Variants in PPP2R3A observed in about 807,000 individuals in gnomAD.
PPP2R3A encodes protein phosphatase 2 regulatory subunit B''alpha.
In PPP2R3A, 80 loss-of-function variants were observed where a neutral mutation model predicts 106.9. The ratio of observed to expected loss-of-function variants is 0.75; its 90% CI spans 0.62 to 0.90. The LOEUF is 0.90. Among genes scored for constraint, PPP2R3A ranks in the 40% least tolerant of loss-of-function variants. The pLI, the probability that PPP2R3A is intolerant of heterozygous loss-of-function variation, is 0.00. For synonymous variants in PPP2R3A, 483 were observed against 468.3 expected, an observed-to-expected ratio of 1.03 and a Z score of -0.41; for missense variants, 1,386 against 1,350.4, an observed-to-expected ratio of 1.03 and a Z score of -0.41.
At chr3:135,978,827 G>T (rs533735020) in intron 1 of PPP2R3A, among the ~76,000 whole-genome samples, 2 of 151,740 alleles carry the variant, frequency 1.3e-5, no homozygotes, top group South Asian at 4.2e-4. Context: ...ATATACATTT[G>T]GTGCTAAGTC....
Position 136,002,031 on chromosome 3 carries a change from G to A in PPP2R3A, c.533G>A (p.Arg178Gln), listed in dbSNP as rs770984599. The change falls in exon 2 of 14, where the codon CGG becomes CAG. Residue 178 changes from arginine to glutamine, a missense_variant. Arg to Gln is a conservative substitution (Grantham distance 43). Transcript: ENST00000264977. ...AACGCCCCATCCTTTGGTTTACTGC[G>A]GAGTTCCTCAGTTGAGGAAAAACCT... ...DGNAPSFGLL[R>Q]SSSVEEKPLS... is the part of the protein sequence containing the mutation. 55 of 1,613,852 alleles carry A rather than the reference G, an allele frequency of 3.4e-5. No homozygotes were observed. Among genetic ancestry groups the A allele is most frequent in the Admixed American group, 1.8e-4 (11 of 59,966 alleles).
intron 13 of PPP2R3A, among the ~76,000 whole-genome samples, chr3:136,138,518 T>C (rs540548661): frequency 2.6e-5 from 4 of 152,128 alleles, no homozygotes; most frequent in African/African-American, 9.7e-5. Context: ...CTAAAGATTT[T>C]CTGGTCACTG....
Position 136,106,337 on chromosome 3 carries a change from CTA to C in PPP2R3A, c.3329+17_3329+18del, listed in dbSNP as rs773252574. 12 of 1,605,224 alleles carry C rather than the reference CTA, an allele frequency of 7.5e-6. No homozygotes were observed. The highest frequency in any genetic ancestry group is 9.4e-6 in the Non-Finnish European group (11 of 1,172,334). On this transcript the variant is annotated intron_variant, in intron 13 of 13. Coordinates refer to ENST00000264977, the MANE Select transcript of PPP2R3A (RefSeq NM_002718.5). ...TTCCAGGAAGGGTGAGTAAGTTTCC[CTA>C]TGTCTTATAGAATTTTTAACAGGAA...
chr3:136,103,033 A>G (rs1351951856), intron 11 of PPP2R3A, among the ~76,000 whole-genome samples: 1 of 152,208 alleles, frequency 6.6e-6, no homozygotes, highest in Non-Finnish European at 1.5e-5. Context: ...GCACTTTAAA[A>G]TTGTTTAAAT....
intron 1 of PPP2R3A, among the ~76,000 whole-genome samples, chr3:135,972,569 T>C (rs897725667): frequency 6.6e-5 from 10 of 152,344 alleles, no homozygotes; most frequent in Admixed American, 5.2e-4. Flanking sequence ...CTGCACACTT[T>C]TACATTTTTT....
chr3:136,138,559 A>AT (rs1938713358), intron 13 of PPP2R3A, among the ~76,000 whole-genome samples: 1 of 152,192 alleles, frequency 6.6e-6, no homozygotes. Flanking sequence ...TGAACCAAAT[A>AT]TCCAACTTCC....
chr3:136,019,917 C>T (rs917862575), intron 2 of PPP2R3A, among the ~76,000 whole-genome samples: 1 of 152,112 alleles, frequency 6.6e-6, no homozygotes, highest in Non-Finnish European at 1.5e-5. Flanking sequence ...AACCACTGTT[C>T]TGACTTTGAA....
chr3:136,126,728 C>T (rs1938195491), intron 13 of PPP2R3A, among the ~76,000 whole-genome samples: 1 of 152,196 alleles, frequency 6.6e-6, no homozygotes, highest in Non-Finnish European at 1.5e-5. Context: ...CGGGGAGACA[C>T]CTCCTAGTAG....
chr3:136,026,990 C>T lies in PPP2R3A; in HGVS notation c.2154C>T (p.Leu718=). 1 of 1,612,896 alleles carries T rather than the reference C, an allele frequency of 6.2e-7. No individual in the cohort carries two copies. Among genetic ancestry groups the T allele is most frequent in the South Asian group, 1.1e-5 (1 of 91,052 alleles). ...CACGGTTCTACTTTCCTGAAGGACT[C>T]CCAGATACCTGTAGTAATCATGAAC... is the stretch of plus-strand genomic sequence containing the variant. ...NIPRFYFPEG[L]PDTCSNHEQT... The change falls in exon 3 of 14, where the codon CTC becomes CTT. Residue 718 remains leucine, a synonymous_variant. Coordinates refer to ENST00000264977, the MANE Select transcript of PPP2R3A (RefSeq NM_002718.5).
At chr3:136,107,118 T>A (rs140463772) in intron 13 of PPP2R3A, among the ~76,000 whole-genome samples, 59 of 152,210 alleles carry the variant, frequency 3.9e-4, no homozygotes, top group African/African-American at 1.3e-3. Context: ...ATTTGACTCC[T>A]TGGATCACTT....
intron 1 of PPP2R3A, among the ~76,000 whole-genome samples, chr3:135,966,512 G>A (rs969332491): frequency 2.6e-5 from 4 of 152,076 alleles, no homozygotes; most frequent in African/African-American, 7.2e-5. Context: ...GGCCGCCGCC[G>A]CCGCGGAGGG....
intron 5 of PPP2R3A, among the ~76,000 whole-genome samples, chr3:136,053,006 A>T (rs146023366): frequency 6.6e-6 from 1 of 152,222 alleles, no homozygotes; most frequent in Non-Finnish European, 1.5e-5. Flanking sequence ...GGAGGCCATT[A>T]TCCTTAGCAA....
intron 13 of PPP2R3A, among the ~76,000 whole-genome samples, chr3:136,130,289 CCTT>C (rs1271304780): frequency 7.2e-5 from 11 of 152,324 alleles, no homozygotes; most frequent in African/African-American, 2.6e-4. Flanking sequence ...CCAAAAATCT[CCTT>C]AAGCTGATAA....
Position 136,147,069 on chromosome 3 carries a change from T to A in PPP2R3A, c.*1903T>A, listed in dbSNP as rs1003848067. 4 of 152,186 alleles carry A rather than the reference T, an allele frequency of 2.6e-5. No individual in the cohort carries two copies. The highest frequency in any genetic ancestry group is 9.7e-5 in the African/African-American group (4 of 41,440). The allele number at this position is 152,186 out of a possible 1,614,324, so 9.4% of individuals were successfully genotyped here. On this transcript the variant is annotated 3_prime_UTR_variant, in exon 14 of 14. Coordinates refer to ENST00000264977, the MANE Select transcript of PPP2R3A (RefSeq NM_002718.5). ...CTTGCTTTCACTTTGATCTGGTTTT[T>A]GAAGTCTCTTAATTATTGGCTGGGC... is the stretch of plus-strand genomic sequence containing the variant.
intron 13 of PPP2R3A, among the ~76,000 whole-genome samples, chr3:136,117,603 C>G: frequency 6.6e-6 from 1 of 152,196 alleles, no homozygotes; most frequent in Non-Finnish European, 1.5e-5. Flanking sequence ...ATAAACACCT[C>G]TATGCAAATA....
intron 2 of PPP2R3A, chr3:136,023,329 A>G (rs1474993636): frequency 1.3e-6 from 1 of 768,004 alleles, no homozygotes; most frequent in Non-Finnish European, 2.0e-6. Context: ...TTGATATTAG[A>G]TCAAGGAATT....
intron 13 of PPP2R3A, among the ~76,000 whole-genome samples, chr3:136,119,908 C>G (rs927458098): frequency 2.0e-5 from 3 of 152,086 alleles, no homozygotes; most frequent in Non-Finnish European, 4.4e-5. Flanking sequence ...TGCACACATA[C>G]GTTTATTGCG....
chr3:136,121,518 A>G (rs2108001234), intron 13 of PPP2R3A, among the ~76,000 whole-genome samples: 1 of 152,256 alleles, frequency 6.6e-6, no homozygotes, highest in East Asian at 1.9e-4. Flanking sequence ...TCATGTGTAC[A>G]CCACAACCCA....
chr3:136,059,810 A>G (rs1340985538), intron 5 of PPP2R3A, among the ~76,000 whole-genome samples: 1 of 152,250 alleles, frequency 6.6e-6, no homozygotes, highest in African/African-American at 2.4e-5. Flanking sequence ...TAAAAAAGAA[A>G]GAGATCATGC....
Sources: allele counts gnomAD v4.1 joint callset (sites outside exome capture counted in the v4.1 genomes callset), GRCh38; gene constraint gnomAD v4.1.1; transcripts MANE v1.5; gene names NCBI Gene and HGNC (gene_info 2026-07-23, HGNC 2026-07-21).